Variants in SUMF1 observed in about 807,000 individuals in gnomAD.
SUMF1 encodes the protein formylglycine-generating enzyme.
A neutral mutation model predicts 47.6 loss-of-function variants in SUMF1; 48 were observed. That is an observed-to-expected ratio of 1.01 (90% CI 0.80 to 1.28). The LOEUF (loss-of-function observed/expected upper bound fraction) is 1.28. Among genes scored for constraint, SUMF1 ranks in the 50% most tolerant of loss-of-function variants. The pLI is 0.00. For synonymous variants in SUMF1, 230 were observed against 192.1 expected, an observed-to-expected ratio of 1.20 and a Z score of -1.63; for missense variants, 571 against 485.4, an observed-to-expected ratio of 1.18 and a Z score of -1.66.
At chr3:4,340,720 T>C (rs1238297335) in intron 8 of SUMF1, among the ~76,000 whole-genome samples, 2 of 152,178 alleles carry the variant, frequency 1.3e-5, no homozygotes, top group Non-Finnish European at 2.9e-5. Context: ...ATGGATCAGT[T>C]GTCGGGGAAG....
intron 8 of SUMF1, among the ~76,000 whole-genome samples, chr3:4,176,416 G>A (rs918163202): frequency 3.9e-5 from 6 of 152,130 alleles, no homozygotes; most frequent in African/African-American, 1.4e-4. Context: ...TTCCAAAACA[G>A]AATTTCATAT....
At chr3:4,365,919 C>A (rs1699937655) in intron 8 of SUMF1, among the ~76,000 whole-genome samples, 1 of 152,090 alleles carries the variant, frequency 6.6e-6, no homozygotes, top group Admixed American at 6.6e-5. Flanking sequence ...CTGGTAGCAA[C>A]AAAATCTCTC....
intron 8 of SUMF1, among the ~76,000 whole-genome samples, chr3:4,144,643 A>C (rs1694152201): frequency 6.6e-6 from 1 of 152,078 alleles, no homozygotes; most frequent in South Asian, 2.1e-4. Flanking sequence ...AATCCAATCC[A>C]CTCCAAAACA....
intron 8 of SUMF1, among the ~76,000 whole-genome samples, chr3:4,320,371 G>A (rs1368531088): frequency 6.6e-6 from 1 of 152,184 alleles, no homozygotes; most frequent in Non-Finnish European, 1.5e-5. Context: ...TTATAGGGAA[G>A]CTTAAACATT....
At chr3:4,187,565 T>C (rs1026681492) in intron 8 of SUMF1, among the ~76,000 whole-genome samples, 18 of 152,090 alleles carry the variant, frequency 1.2e-4, no homozygotes, top group East Asian at 3.9e-4. Flanking sequence ...ATGAACAAAA[T>C]TGAGGAATTA....
At chr3:4,096,940 T>A (rs1392091153) in intron 8 of SUMF1, among the ~76,000 whole-genome samples, 1 of 152,122 alleles carries the variant, frequency 6.6e-6, no homozygotes. Flanking sequence ...TAGGAGGAAT[T>A]TGATTCCTGG....
Position 4,176,434 on chromosome 3 carries a change from T to C in SUMF1, c.1015-107689A>G, listed in dbSNP as rs138048052. Among the ~76,000 whole-genome samples, 164 of 152,218 alleles carry C rather than the reference T, an allele frequency of 1.1e-3. 1 individual carries two copies. The highest frequency in any genetic ancestry group is 6.2e-3 in the Admixed American group (94 of 15,272). ...CAAAACAGAATTTCATATCCAGCTATACTAAGCTTCATAATTGAAGGAGAA... is the reference window on the plus strand; with the variant it reads ...CAAAACAGAATTTCATATCCAGCTACACTAAGCTTCATAATTGAAGGAGAA... On this transcript the variant is annotated intron_variant and NMD_transcript_variant, in intron 8 of 12. Coordinates refer to the SUMF1 transcript ENST00000448413.
At chr3:4,045,403 T>C (rs1360165149) in intron 9 of SUMF1, among the ~76,000 whole-genome samples, 1 of 151,666 alleles carries the variant, frequency 6.6e-6, no homozygotes, top group African/African-American at 2.4e-5. Context: ...CATCCATCCA[T>C]CCATCCATTC....
intron 1 of SUMF1, among the ~76,000 whole-genome samples, chr3:4,462,586 A>G (rs1337138058): frequency 6.6e-6 from 1 of 152,198 alleles, no homozygotes; most frequent in Non-Finnish European, 1.5e-5. Flanking sequence ...TGTACACAAA[A>G]ATAGAATCAG....
chr3:4,132,227 T>A (rs1259050603), intron 8 of SUMF1, among the ~76,000 whole-genome samples: 1 of 152,132 alleles, frequency 6.6e-6, no homozygotes, highest in African/African-American at 2.4e-5. Flanking sequence ...TCACCTACCA[T>A]CATGGTATTC....
At chr3:4,313,500 G>C (rs1049202297) in intron 8 of SUMF1, 51 of 1,613,754 alleles carry the variant, frequency 3.2e-5, no homozygotes, top group Non-Finnish European at 3.9e-5. Flanking sequence ...AAGATATTGT[G>C]CCAGAAGAAG....
At chr3:4,441,736 C>T (rs538498586) in intron 3 of SUMF1, among the ~76,000 whole-genome samples, 1 of 152,194 alleles carries the variant, frequency 6.6e-6, no homozygotes, top group South Asian at 2.1e-4. Context: ...CTGTTTTAAA[C>T]CATTAAATTC....
intron 8 of SUMF1, among the ~76,000 whole-genome samples, chr3:4,164,249 G>C (rs918367221): frequency 6.6e-6 from 1 of 152,154 alleles, no homozygotes; most frequent in African/African-American, 2.4e-5. Flanking sequence ...AATGGACCTT[G>C]AGGACAGCTG....
At chr3:4,162,470 C>T (rs1280880537) in intron 8 of SUMF1, among the ~76,000 whole-genome samples, 3 of 152,148 alleles carry the variant, frequency 2.0e-5, no homozygotes, top group Non-Finnish European at 4.4e-5. Context: ...GCAAGGCTTA[C>T]CAAAACTCAA....
chr3:4,034,959 G>T (rs1344960615), intron 9 of SUMF1, among the ~76,000 whole-genome samples: 2 of 151,642 alleles, frequency 1.3e-5, no homozygotes, highest in African/African-American at 4.8e-5. Flanking sequence ...GCAGAAGGAA[G>T]GTCCAGACCA....
In SUMF1 at chr3:4,373,226, T is replaced by C. The variant is rs138947661; in HGVS notation, c.1014+3104A>G. Among the ~76,000 whole-genome samples the C allele has an allele frequency of 5.9e-3, 890 of 151,052 alleles. 3 individuals are homozygous for C. The highest frequency in any genetic ancestry group is 0.041 in the Middle Eastern group (12 of 294). ...AAGACAAACAGAGAACAACAACAGG[T>C]GAGACAAAGAGAAAAAAAATCAAGA... On this transcript the variant is annotated intron_variant, in intron 8 of 8. Coordinates refer to ENST00000272902, the MANE Select transcript of SUMF1 (RefSeq NM_182760.4).
intron 8 of SUMF1, among the ~76,000 whole-genome samples, chr3:4,375,134 C>CAAAAAAA (rs376228362): frequency 1.4e-5 from 1 of 73,236 alleles, no homozygotes; most frequent in African/African-American, 5.0e-5. Flanking sequence ...GACTCTGTCT[C>CAAAAAAA]AAAAAAAAAA....
chr3:4,066,983 G>T (rs1202795630), intron 9 of SUMF1, among the ~76,000 whole-genome samples: 3 of 152,082 alleles, frequency 2.0e-5, no homozygotes, highest in African/African-American at 4.8e-5. Flanking sequence ...CCACAGTCTT[G>T]ATTTATGAAG....
chr3:4,155,490 C>T lies in SUMF1; in HGVS notation c.1015-86745G>A, dbSNP rs371275097. 1.5e-4 allele frequency among the ~76,000 whole-genome samples: 22 copies of T among 151,542 alleles called. 2 individuals carry two copies. Among genetic ancestry groups the T allele is most frequent in the South Asian group, 6.2e-4 (3 of 4,804 alleles). ...GAAGCAAAAGGAAGGAGATAAGGGA[C>T]GGCTCCTTCCCTCCTGGCAGCAGTA... On this transcript the variant is annotated intron_variant and NMD_transcript_variant, in intron 8 of 12. Transcript: ENST00000448413.
Sources: allele counts gnomAD v4.1 joint callset (sites outside exome capture counted in the v4.1 genomes callset), GRCh38; gene constraint gnomAD v4.1.1; transcripts MANE v1.5; gene names NCBI Gene and HGNC (gene_info 2026-07-23, HGNC 2026-07-21).